GAS2: variants seen among roughly 807,000 people sequenced by gnomAD.
GAS2 encodes growth arrest specific 2.
In GAS2, 20 loss-of-function variants were observed where a neutral mutation model predicts 37.5. The ratio of observed to expected loss-of-function variants is 0.53; its 90% confidence interval spans 0.37 to 0.77. The LOEUF (loss-of-function observed/expected upper bound fraction) is 0.77. Ranked by LOEUF, GAS2 falls within the 30% of genes least tolerant of loss-of-function variation. The pLI is 0.00. For synonymous variants in GAS2, 144 were observed against 132.2 expected (o/e 1.09, Z -0.61); for missense variants, 336 against 373.4 (o/e 0.90, Z 0.82).
chr11:22,633,361 A>G (rs560580772), intron 1 of GAS2, among the ~76,000 whole-genome samples: 31 of 152,260 alleles, frequency 2.0e-4, no homozygotes, highest in Admixed American at 1.8e-3. Context: ...CCTTGGTGTG[A>G]TGGCCTTCTC....
intron 5 of GAS2, among the ~76,000 whole-genome samples, chr11:22,747,943 A>G (rs1853501117): frequency 6.6e-6 from 1 of 152,110 alleles, no homozygotes; most frequent in African/African-American, 2.4e-5. Context: ...CATATGTGTA[A>G]TGGTATCAGT....
chr11:22,686,316 T>A (rs923035697), intron 3 of GAS2, among the ~76,000 whole-genome samples: 1 of 151,986 alleles, frequency 6.6e-6, no homozygotes, highest in South Asian at 2.1e-4. Flanking sequence ...TCTTTTCTAG[T>A]GATTATAAAC....
chr11:22,660,472 A>G (rs181280233), intron 1 of GAS2, among the ~76,000 whole-genome samples: 3 of 152,352 alleles, frequency 2.0e-5, no homozygotes, highest in East Asian at 3.9e-4. Flanking sequence ...ATTAACTTAT[A>G]TAACTCTCAA....
At chr11:22,727,847 G>A (rs370710783) in intron 4 of GAS2, among the ~76,000 whole-genome samples, 5 of 151,922 alleles carry the variant, frequency 3.3e-5, no homozygotes, top group South Asian at 2.1e-4. Flanking sequence ...GAAACCATGC[G>A]AGTGGAGGAT....
At chr11:22,759,475 T>C (rs1311977585) in intron 7 of GAS2, among the ~76,000 whole-genome samples, 1 of 152,358 alleles carries the variant, frequency 6.6e-6, no homozygotes, top group East Asian at 1.9e-4. Context: ...AATGGGAATT[T>C]TTTTTGTTTC....
chr11:22,800,499 T>C (rs946136017), intron 7 of GAS2, among the ~76,000 whole-genome samples: 2 of 152,080 alleles, frequency 1.3e-5, no homozygotes, highest in African/African-American at 4.8e-5. Flanking sequence ...ACTGTGGCTC[T>C]GGAGTAGACG....
intron 5 of GAS2, among the ~76,000 whole-genome samples, chr11:22,739,183 G>T (rs1852916617): frequency 6.6e-6 from 1 of 152,062 alleles, no homozygotes; most frequent in African/African-American, 2.4e-5. Context: ...CTAGCACCCG[G>T]CCACACCTAC....
chr11:22,747,018 T>A (rs1853445769), intron 5 of GAS2, among the ~76,000 whole-genome samples: 1 of 152,150 alleles, frequency 6.6e-6, no homozygotes, highest in Admixed American at 6.6e-5. Flanking sequence ...AATCAATGAT[T>A]ACTAGAAAAC....
In GAS2 at chr11:22,797,380, C is replaced by T. The variant is rs113021395; in HGVS notation, c.724-14418C>T. On this transcript the variant is annotated intron_variant, in intron 7 of 7. Transcript: ENST00000454584. ...CTCCCCCACCAGAGGGAAACAATTA[C>T]AGCAGGCCAGGAACTTTTTTCTGTT... Among the ~76,000 whole-genome samples, 534 of 152,202 alleles carry T rather than the reference C, an allele frequency of 3.5e-3. 4 individuals are homozygous for T. Among genetic ancestry groups the T allele is most frequent in the African/African-American group, 0.012 (510 of 41,540 alleles).
Position 22,633,177 on chromosome 11 carries a change from G to A in GAS2, c.-21+7364G>A, listed in dbSNP as rs532670827. ...GTTTTTCTGATTTCTTCTCATTTGG[G>A]TAGACCATTTCTTCTAATTACTTCT... On this transcript the variant is annotated intron_variant, in intron 1 of 5. Transcript: ENST00000528582. Among the ~76,000 whole-genome samples the A allele has an allele frequency of 4.1e-4, 63 of 152,128 alleles. 2 individuals are homozygous for A. The South Asian group carries it at 5.6e-3, about 14-fold the overall frequency.
At chr11:22,752,836 G>A (rs1271293102) in intron 6 of GAS2, among the ~76,000 whole-genome samples, 1 of 151,986 alleles carries the variant, frequency 6.6e-6, no homozygotes, top group Non-Finnish European at 1.5e-5. Flanking sequence ...GATACTTAGG[G>A]GAATAGTGGG....
chr11:22,787,036 C>T (rs1855849764), intron 7 of GAS2, among the ~76,000 whole-genome samples: 1 of 152,054 alleles, frequency 6.6e-6, no homozygotes, highest in South Asian at 2.1e-4. Flanking sequence ...CTTTCATTTC[C>T]CCACATGAAT....
At chr11:22,741,424 G>C (rs1590076945) in intron 5 of GAS2, among the ~76,000 whole-genome samples, 1 of 151,702 alleles carries the variant, frequency 6.6e-6, no homozygotes, top group Non-Finnish European at 1.5e-5. Context: ...AGCATTTTTT[G>C]ACTGTAGAAT....
chr11:22,669,862 T>C (rs554193187), intron 1 of GAS2, among the ~76,000 whole-genome samples: 1 of 152,290 alleles, frequency 6.6e-6, no homozygotes, highest in East Asian at 1.9e-4. Flanking sequence ...TGCCTTTCTG[T>C]TGAAATTGTG....
intron 3 of GAS2, among the ~76,000 whole-genome samples, chr11:22,691,506 T>C (rs1334712975): frequency 6.6e-6 from 1 of 152,204 alleles, no homozygotes; most frequent in African/African-American, 2.4e-5. Context: ...AAAGGTTTTG[T>C]ATGAAAAAGA....
intron 7 of GAS2, among the ~76,000 whole-genome samples, chr11:22,759,324 G>A (rs1854240584): frequency 6.6e-6 from 1 of 152,176 alleles, no homozygotes; most frequent in Non-Finnish European, 1.5e-5. Flanking sequence ...AGGCATCTAT[G>A]TACTTTTGTA....
At chr11:22,732,837 AT>A (rs1852551147) in intron 4 of GAS2, among the ~76,000 whole-genome samples, 10 of 151,520 alleles carry the variant, frequency 6.6e-5, no homozygotes, top group Admixed American at 4.0e-4. Context: ...TATCCTTCAC[AT>A]TTGTGGAGCA....
chr11:22,698,143 G>T (rs1377633107), intron 3 of GAS2, among the ~76,000 whole-genome samples: 1 of 152,092 alleles, frequency 6.6e-6, no homozygotes, highest in African/African-American at 2.4e-5. Flanking sequence ...AAGAAGAAAA[G>T]AGAGAAGAAT....
chr11:22,776,797 G>T (rs1314237389), intron 7 of GAS2, among the ~76,000 whole-genome samples: 1 of 152,030 alleles, frequency 6.6e-6, no homozygotes, highest in Non-Finnish European at 1.5e-5. Flanking sequence ...AATTTCTATG[G>T]CATTTATTAA....
Sources: allele counts gnomAD v4.1 joint callset (sites outside exome capture counted in the v4.1 genomes callset), GRCh38; gene constraint gnomAD v4.1.1; transcripts MANE v1.5; gene names NCBI Gene and HGNC (gene_info 2026-07-23, HGNC 2026-07-21).